The following SCAND3 variants were observed in gnomAD, a reference collection of about 807,000 sequenced individuals.
SCAND3 encodes SCAN domain containing 3.
the SCAND3 span, among the ~76,000 whole-genome samples, chr6:28,577,757 C>G: frequency 6.6e-6 from 1 of 152,110 alleles, no homozygotes; most frequent in Non-Finnish European, 1.5e-5. Flanking sequence ...AAGTCACACC[C>G]GCAAGCCAGA....
At chr6:28,602,947 CAA>C in the SCAND3 span, among the ~76,000 whole-genome samples, 69 of 133,184 alleles carry the variant, frequency 5.2e-4, 1 homozygote, top group African/African-American at 2.1e-3. Flanking sequence ...TTATAGCCAC[CAA>C]AAAAAAATTT....
At chr6:28,573,585 A>G in the SCAND3 span, 1 of 1,613,282 alleles carries the variant, frequency 6.2e-7, no homozygotes, top group South Asian at 1.1e-5. Context: ...TCATTGCTTC[A>G]TTAGCCAGTA....
chr6:28,574,369 G>A, the SCAND3 span, among the ~76,000 whole-genome samples: 1 of 151,614 alleles, frequency 6.6e-6, no homozygotes, highest in South Asian at 2.1e-4. Context: ...AATTTTTTTG[G>A]TTCTATTTCA....
chr6:28,586,127 CA>C, the SCAND3 span, among the ~76,000 whole-genome samples: 2 of 152,124 alleles, frequency 1.3e-5, no homozygotes, highest in Non-Finnish European at 2.9e-5. This position sits in a 1 kb window ranked among gnomAD's most constrained non-coding sequence, Gnocchi z 4.4. Context: ...GTATCATACA[CA>C]AAAACTGTTA....
the SCAND3 span, among the ~76,000 whole-genome samples, chr6:28,596,583 C>T: frequency 5.5e-3 from 830 of 151,588 alleles, 12 homozygotes; most frequent in African/African-American, 0.019. Flanking sequence ...AATGCAGTGC[C>T]TATTCAAAAA....
chr6:28,604,427 G>A, the SCAND3 span, among the ~76,000 whole-genome samples: 1 of 151,996 alleles, frequency 6.6e-6, no homozygotes, highest in East Asian at 1.9e-4. Flanking sequence ...GACCAGCCTG[G>A]CCAACAAGGT....
At chr6:28,603,672 G>C in the SCAND3 span, among the ~76,000 whole-genome samples, 4 of 151,404 alleles carry the variant, frequency 2.6e-5, no homozygotes, top group African/African-American at 7.3e-5. Flanking sequence ...AACTCTAATC[G>C]TATATACTTC....
the SCAND3 span, among the ~76,000 whole-genome samples, chr6:28,609,578 ACACATCCAGGT>A: frequency 6.6e-6 from 1 of 152,214 alleles, no homozygotes; most frequent in East Asian, 1.9e-4. Flanking sequence ...TATTGCTATA[ACACATCCAGGT>A]CACAATTGGC....
the SCAND3 span, among the ~76,000 whole-genome samples, chr6:28,613,573 C>T: frequency 1.3e-5 from 2 of 152,126 alleles, no homozygotes; most frequent in East Asian, 1.9e-4. Flanking sequence ...ATTCAGTGGA[C>T]ATGTACAGGC....
chr6:28,582,304 G>C, the SCAND3 span, among the ~76,000 whole-genome samples: 1 of 152,086 alleles, frequency 6.6e-6, no homozygotes, highest in South Asian at 2.1e-4. This position sits in a 1 kb window ranked among gnomAD's most constrained non-coding sequence, Gnocchi z 4.8. Flanking sequence ...GTGTATTTTA[G>C]TGTGGCCCAA....
the SCAND3 span, among the ~76,000 whole-genome samples, chr6:28,611,365 T>C: frequency 6.6e-6 from 1 of 152,200 alleles, no homozygotes; most frequent in African/African-American, 2.4e-5. Flanking sequence ...CTTTCCTCTT[T>C]TCCCTCTTCC....
chr6:28,586,728 G>A, the SCAND3 span: 1 of 1,606,146 alleles, frequency 6.2e-7, no homozygotes, highest in Admixed American at 1.7e-5. The surrounding 1 kb of genome is among the most constrained non-coding windows in gnomAD (Gnocchi z 4.4). Context: ...CCCGAGCTTA[G>A]ACAGCTCAGG....
the SCAND3 span, chr6:28,574,705 T>C: frequency 1.2e-6 from 2 of 1,614,158 alleles, no homozygotes; most frequent in Non-Finnish European, 1.7e-6. Flanking sequence ...TTTGGAAGGT[T>C]TAACAGGCAA....
chr6:28,576,313 GC>G, the SCAND3 span, among the ~76,000 whole-genome samples: 2 of 152,122 alleles, frequency 1.3e-5, no homozygotes, highest in Non-Finnish European at 2.9e-5. Flanking sequence ...AGGCTAGAGT[GC>G]AGTGGCACAA....
chr6:28,574,917 G>A, the SCAND3 span: 1 of 1,613,820 alleles, frequency 6.2e-7, no homozygotes, highest in Non-Finnish European at 8.5e-7. Context: ...ATCTTAGTCT[G>A]CTCTCAGGAG....
At chr6:28,597,417 T>G in the SCAND3 span, among the ~76,000 whole-genome samples, 2 of 152,166 alleles carry the variant, frequency 1.3e-5, no homozygotes, top group African/African-American at 4.8e-5. Context: ...CTCGGCCACC[T>G]CGTCACATGC....
the SCAND3 span, chr6:28,574,787 G>A: frequency 2.7e-5 from 43 of 1,613,934 alleles, no homozygotes; most frequent in Middle Eastern, 1.6e-4. Context: ...GTTATTTGCC[G>A]ACCACAGCCC....
chr6:28,600,431 G>A, the SCAND3 span, among the ~76,000 whole-genome samples: 4 of 152,090 alleles, frequency 2.6e-5, no homozygotes, highest in African/African-American at 4.8e-5. Flanking sequence ...CCAGGAGTTC[G>A]AGACCAGCCT....
chr6:28,573,306 T>C, the SCAND3 span: 1 of 1,614,164 alleles, frequency 6.2e-7, no homozygotes, highest in South Asian at 1.1e-5. Context: ...CTACCTTCTT[T>C]GCTGCAGATT....
Sources: gnomAD v4.1 joint callset for allele counts (sites outside exome capture counted in the v4.1 genomes callset) on GRCh38, gnomAD v4.1.1 for gene constraint, Gnocchi (gnomAD v3.1) non-coding constraint, MANE v1.5 for transcripts, NCBI Gene and HGNC (gene_info 2026-07-23, HGNC 2026-07-21) for gene names.